Variants in MCM3AP observed in about 807,000 individuals in gnomAD.
MCM3AP encodes the protein minichromosome maintenance complex component 3 associated protein.
MCM3AP carries 126 observed loss-of-function variants against 184.1 expected under a neutral mutation model. The ratio of observed to expected loss-of-function variants is 0.68; its 90% confidence interval spans 0.59 to 0.79. The LOEUF (loss-of-function observed/expected upper bound fraction) is 0.79. Among genes scored for constraint, MCM3AP ranks in the 30% least tolerant of loss-of-function variants. The probability of loss-of-function intolerance (pLI) is 0.00; values close to 1 mark genes in which losing one functional copy is unlikely to be tolerated. For missense variants in MCM3AP, 2,496 were observed against 2,479.2 expected (o/e 1.01, Z -0.14); for synonymous variants, 1,002 against 979.3 (o/e 1.02, Z -0.43).
chr21:46,244,785 C>T (rs764516300), intron 23 of MCM3AP, 22 bp downstream of exon 23: 1 of 1,581,982 alleles, frequency 6.3e-7, no homozygotes, highest in African/African-American at 1.3e-5. Context: ...ACCCACCAGA[C>T]CTCCCCAGGT....
chr21:46,250,358 C>T (rs1223638880), intron 20 of MCM3AP: 1 of 148,818 alleles, frequency 6.7e-6, no homozygotes, highest in African/African-American at 2.4e-5. Flanking sequence ...TATGCAGTGG[C>T]CAAGAGGACC....
chr21:46,259,709 G>A (rs988068265), intron 15 of MCM3AP, among the ~76,000 whole-genome samples: 1 of 151,686 alleles, frequency 6.6e-6, no homozygotes, highest in African/African-American at 2.4e-5. Context: ...TCAGGAGATC[G>A]AGACTATCCT....
At chr21:46,273,633 CCAGG>C (rs1324627876) in intron 6 of MCM3AP, 48 bp from the exon 7 acceptor site, 1 of 1,516,388 alleles carries the variant, frequency 6.6e-7, no homozygotes, top group Non-Finnish European at 9.1e-7. Context: ...ATACCTTGGG[CCAGG>C]CATAGTTATG....
At chr21:46,260,998 G>C (rs1298008888) in intron 14 of MCM3AP, 92 bp from the exon 15 acceptor site, 1 of 1,055,316 alleles carries the variant, frequency 9.5e-7, no homozygotes, top group Admixed American at 1.9e-5. Flanking sequence ...GACAGGGATT[G>C]AGGTGTGCTG....
intron 5 of MCM3AP, among the ~76,000 whole-genome samples, chr21:46,276,406 T>C (rs908142543): frequency 6.6e-6 from 1 of 152,188 alleles, no homozygotes; most frequent in African/African-American, 2.4e-5. Context: ...ATTCAAATTA[T>C]CCACAGCTTT....
At chr21:46,279,159 G>A (rs946094459) in intron 4 of MCM3AP, among the ~76,000 whole-genome samples, 1 of 151,830 alleles carries the variant, frequency 6.6e-6, no homozygotes. Context: ...GTGGTGGAGC[G>A]CACCTGTAAT....
chr21:46,264,442 C>T (rs1217161029), intron 12 of MCM3AP, among the ~76,000 whole-genome samples: 1 of 152,188 alleles, frequency 6.6e-6, no homozygotes, highest in Non-Finnish European at 1.5e-5. Context: ...CTGGCCTAGC[C>T]ATCTCCAGTC....
intron 26 of MCM3AP, 146 bp downstream of exon 26, chr21:46,240,665 A>AAAT (rs1232978746): frequency 5.8e-6 from 4 of 693,264 alleles, no homozygotes; most frequent in Non-Finnish European, 1.0e-5. Flanking sequence ...AAGAGCTTTT[A>AAAT]AATAGTTACA....
chr21:46,280,859 G>A (rs1156232341), intron 2 of MCM3AP, among the ~76,000 whole-genome samples: 1 of 151,772 alleles, frequency 6.6e-6, no homozygotes, highest in East Asian at 1.9e-4. Context: ...AGGCTGGAGT[G>A]CGGTGGTGAG....
At position 46,243,709 on chromosome 21, in the gene MCM3AP, G is replaced by A. The variant is rs1015153679; in HGVS notation, c.5052C>T (p.Pro1684=). The change falls in exon 24 of 28, where the codon CCC becomes CCT. Residue 1684 remains proline (P), a synonymous_variant. Coordinates refer to ENST00000291688, the MANE Select transcript of MCM3AP (RefSeq NM_003906.5). ...CGTACTGGACAACCATGGAGCACAC[G>A]GGGAGCCAGGGGGCTGGGGAGAAAG... is the stretch of plus-strand genomic sequence containing the variant. ...DLPPLGAPWL[P]VCSMVVQYAS... is the part of the protein sequence containing the mutation. 22 of 1,613,814 alleles carry A rather than the reference G, an allele frequency of 1.4e-5. No individual in the cohort carries two copies. Among genetic ancestry groups the A allele is most frequent in the Admixed American group, 6.7e-5 (4 of 59,990 alleles).
chr21:46,260,992 G>T, intron 14 of MCM3AP, 86 bp from the exon 15 acceptor site: 1 of 1,115,872 alleles, frequency 9.0e-7, no homozygotes. Flanking sequence ...CACGCAGACA[G>T]GGATTGAGGT....
intron 8 of MCM3AP, among the ~76,000 whole-genome samples, chr21:46,272,307 G>A (rs2081191068): frequency 6.6e-6 from 1 of 152,162 alleles, no homozygotes; most frequent in African/African-American, 2.4e-5. Flanking sequence ...CACTGGTGAG[G>A]AGAAACTATT....
rs201049797 is a variant in MCM3AP at position 46,246,761 on chromosome 21, C to G, written c.4416G>C (p.Glu1472Asp). Reference protein sequence around the residue: ...PKMKSEDMAEEDVYWLSALLQ... With the variant: ...PKMKSEDMAEDDVYWLSALLQ... ...GCAAGGCCGACAGCCAGTACACGTC[C>G]TCCTCTGCCATGTCCTCACTCTTCA... The change falls in exon 21 of 28, where the codon GAG (glutamate) becomes GAC (aspartate). Residue 1472 changes from glutamate to aspartate, a missense_variant. Around this residue, in one of 5 missense-constraint regions of MCM3AP, gnomAD observed 1,323 missense variants for 1,273.4 expected, o/e 1.04. Transcript: ENST00000291688. 1 of 1,614,256 alleles carries G rather than the reference C, an allele frequency of 6.2e-7. No individual in the cohort carries two copies. Among genetic ancestry groups the G allele is most frequent in the East Asian group, 2.2e-5 (1 of 44,888 alleles).
chr21:46,245,267 TG>T, intron 22 of MCM3AP, 70 bp from the exon 23 acceptor site: 1 of 1,482,724 alleles, frequency 6.7e-7, no homozygotes, highest in Non-Finnish European at 9.1e-7. Context: ...TGAAAGGGCT[TG>T]ATCCCCCAAG....
In MCM3AP at chr21:46,284,783, C is replaced by T. The variant is rs761897459; in HGVS notation, c.504G>A (p.Gln168=). 9 of 1,613,612 alleles carry T rather than the reference C, an allele frequency of 5.6e-6. No individual in the cohort carries two copies. Among genetic ancestry groups the T allele is most frequent in the Admixed American group, 3.3e-5 (2 of 59,934 alleles). ...TAAAAAACCCAGAAGCAATTTGGCTCTGGGTTTTCTCTGGCTCAGATTCAG... is the reference window on the plus strand; with the variant it reads ...TAAAAAACCCAGAAGCAATTTGGCTTTGGGTTTTCTCTGGCTCAGATTCAG... The part of the protein sequence containing the change: ...LGAESEPEKT[Q]SQIASGFFTF... The change falls in exon 1 of 28, where the codon CAG becomes CAA. Residue 168 remains glutamine (Q), a synonymous_variant. Coordinates refer to ENST00000291688, the MANE Select transcript of MCM3AP (RefSeq NM_003906.5).
In MCM3AP at chr21:46,284,418, C is replaced by G; in HGVS notation, c.869G>C (p.Gly290Ala). The G allele has an allele frequency of 6.2e-7, 1 of 1,614,116 alleles. No individual in the cohort carries two copies. The highest frequency in any genetic ancestry group is 8.5e-7 in the Non-Finnish European group (1 of 1,180,018). ...QVEPLPSLMK[G>A]LKRKEDQDRS... The stretch of plus-strand genomic sequence containing the variant: ...ATCCTGGTCCTCCTTCCTTTTCAGT[C>G]CTTTCATTAGGCTGGGAAGTGGTTC... The change falls in exon 1 of 28, where the codon GGA becomes GCA. Residue 290 changes from glycine to alanine, a missense_variant. Physicochemically the swap from Gly to Ala is moderately conservative, Grantham distance 60 (BLOSUM62 0). Transcript: ENST00000291688.
Position 46,285,153 on chromosome 21 carries a change from A to G in MCM3AP, c.134T>C (p.Leu45Ser). The G allele has an allele frequency of 1.2e-6, 2 of 1,614,186 alleles. No homozygotes were observed. The highest frequency in any genetic ancestry group is 1.1e-5 in the South Asian group (1 of 91,086). ...QPSLFGQNST[L>S]SGKSSGFSQV... Reference sequence around the variant, plus strand: ...TGAAAATCCCGAGCTCTTCCCAGATAAGGTACTGTTTTGTCCAAAAAGAGA... The same window carrying G: ...TGAAAATCCCGAGCTCTTCCCAGATGAGGTACTGTTTTGTCCAAAAAGAGA... Residue 45 changes from leucine (L) to serine (S), a missense_variant, in exon 1 of 28, where the codon TTA (leucine) becomes TCA (serine). Physicochemically the swap from Leu to Ser is moderately radical, Grantham distance 145 (BLOSUM62 -2). Transcript: ENST00000291688.
chr21:46,242,601 G>A lies in MCM3AP; in HGVS notation c.5426+201C>T, dbSNP rs184296507. ...TGGTTAGGTATGATTTCAGGGTCAG[G>A]TATGCCTGATAAATGAAGTGAGATG... On this transcript the variant is annotated intron_variant, in intron 25 of 27. Transcript: ENST00000291688. The A allele has an allele frequency of 1.1e-5, 5 of 451,220 alleles. No individual in the cohort carries two copies. In the Admixed American group the frequency reaches 1.6e-4, roughly 15 times the overall value. 28.0% of individuals were successfully genotyped at this position (451,220 alleles called of 1,614,324 possible).
At chr21:46,266,272 C>G (rs903524255) in intron 10 of MCM3AP, 106 bp from the exon 11 acceptor site, 6 of 1,253,466 alleles carry the variant, frequency 4.8e-6, no homozygotes, top group Non-Finnish European at 6.5e-6. Context: ...TCACCACAGC[C>G]ATGTGTAAAT....
Sources: allele counts gnomAD v4.1 joint callset (sites outside exome capture counted in the v4.1 genomes callset), GRCh38; gene constraint gnomAD v4.1.1; regional missense constraint gnomAD v4.1.1; transcripts MANE v1.5; gene names NCBI Gene and HGNC (gene_info 2026-07-23, HGNC 2026-07-21).